ZNF428: variants seen among roughly 807,000 people sequenced by gnomAD.
The protein encoded by ZNF428 is zinc finger protein 428, also known as enzyme-like protein PIT13.
In ZNF428, 5 loss-of-function variants were observed where a neutral mutation model predicts 15.6. The ratio of observed to expected loss-of-function variants is 0.32; its 90% CI spans 0.17 to 0.67. The LOEUF is 0.67. Among genes scored for constraint, ZNF428 ranks in the 30% least tolerant of loss-of-function variants. The probability of loss-of-function intolerance (pLI) is 0.73; values close to 1 mark genes in which losing one functional copy is unlikely to be tolerated. For missense variants in ZNF428, 237 were observed against 256.0 expected (o/e 0.93, Z 0.51); for synonymous variants, 97 against 102.2 (o/e 0.95, Z 0.31).
intron 1 of ZNF428, among the ~76,000 whole-genome samples, chr19:43,616,351 T>C (rs911989583): frequency 1.3e-5 from 2 of 152,204 alleles, no homozygotes; most frequent in African/African-American, 4.8e-5. Flanking sequence ...GTGTCTAGGT[T>C]TGCCACACTC....
Position 43,612,004 on chromosome 19 carries a change from A to G in ZNF428, c.76+2225T>C, listed in dbSNP as rs1600086337. The G allele has an allele frequency of 1.3e-6, 1 of 766,698 alleles. No individual in the cohort carries two copies. Among genetic ancestry groups the G allele is most frequent in the Non-Finnish European group, 2.2e-6 (1 of 460,462 alleles). The allele number at this position is 766,698 out of a possible 1,614,324, so 47.5% of individuals were successfully genotyped here. ...TACCACTCACCCTCCAGAGTCTTCA[A>G]TGCCCACTATTACTTCACACAGTTG... On this transcript the variant is annotated intron_variant, in intron 2 of 2. Coordinates refer to ENST00000300811, the MANE Select transcript of ZNF428 (RefSeq NM_182498.4). The surrounding 1 kb of genome is among the most constrained non-coding windows in gnomAD (Gnocchi z 4.2).
Position 43,612,651 on chromosome 19 carries a change from G to C in ZNF428, c.76+1578C>G. On this transcript the variant is annotated intron_variant, in intron 2 of 2. Coordinates refer to ENST00000300811, the MANE Select transcript of ZNF428 (RefSeq NM_182498.4). This position sits in a 1 kb window ranked among gnomAD's most constrained non-coding sequence, Gnocchi z 4.2. ...CGGGGAAAGAGTTACGGCCGGCCTA[G>C]AACCAGCAACAGGGAAAGGAGTGAC... The C allele has an allele frequency of 1.3e-6, 2 of 1,551,450 alleles. No individual in the cohort carries two copies. The highest frequency in any genetic ancestry group is 1.7e-6 in the Non-Finnish European group (2 of 1,146,966).
chr19:43,612,120 C>T lies in ZNF428; in HGVS notation c.76+2109G>A. On this transcript the variant is annotated intron_variant, in intron 2 of 2. Transcript: ENST00000300811. The surrounding 1 kb of genome is among the most constrained non-coding windows in gnomAD (Gnocchi z 4.2). ...AGGACCACAAGCCCTTTTGCGCCCA[C>T]CATGTCTTCACCTAAGAGATCTTCA... 1 of 1,550,892 alleles carries T rather than the reference C, an allele frequency of 6.4e-7. No individual in the cohort carries two copies. The highest frequency in any genetic ancestry group is 8.7e-7 in the Non-Finnish European group (1 of 1,146,336).
chr19:43,612,661 C>G lies in ZNF428; in HGVS notation c.76+1568G>C. Reference sequence around the variant, plus strand: ...GTTACGGCCGGCCTAGAACCAGCAACAGGGAAAGGAGTGACAGCCAGCCTA... The same window carrying G: ...GTTACGGCCGGCCTAGAACCAGCAAGAGGGAAAGGAGTGACAGCCAGCCTA... On this transcript the variant is annotated intron_variant, in intron 2 of 2. Transcript: ENST00000300811. The surrounding 1 kb of genome is among the most constrained non-coding windows in gnomAD (Gnocchi z 4.2). The G allele has an allele frequency of 6.4e-7, 1 of 1,551,430 alleles. No individual in the cohort carries two copies. Among genetic ancestry groups the G allele is most frequent in the Non-Finnish European group, 8.7e-7 (1 of 1,146,970 alleles).
Position 43,608,025 on chromosome 19 carries a change from C to A in ZNF428, c.159G>T (p.Glu53Asp). The A allele has an allele frequency of 6.2e-7, 1 of 1,613,714 alleles. No individual in the cohort carries two copies. ...CATATTCAGGATCGTCAGTGGTCTC[C>A]TCTTCCTCCTCCTCCTCATCTTCTT... Reference protein sequence around the residue: ...EEEEDEEEEEEETTDDPEYDP... With the variant: ...EEEEDEEEEEDETTDDPEYDP... The change falls in exon 3 of 3, where the codon GAG (glutamate) becomes GAT (aspartate). Residue 53 changes from glutamate (E) to aspartate (D), a missense_variant. By Grantham distance (45) the Glu-to-Asp change is conservative. Transcript: ENST00000300811.
At chr19:43,611,629 C>G (rs897835439) in intron 2 of ZNF428, among the ~76,000 whole-genome samples, 1 of 152,162 alleles carries the variant, frequency 6.6e-6, no homozygotes, top group African/African-American at 2.4e-5. Context: ...CTGACCCTTT[C>G]TTTCTCTACT....
Position 43,612,627 on chromosome 19 carries a change from G to A in ZNF428, c.76+1602C>T, listed in dbSNP as rs993879597. On this transcript the variant is annotated intron_variant, in intron 2 of 2. Transcript: ENST00000300811. This position sits in a 1 kb window ranked among gnomAD's most constrained non-coding sequence, Gnocchi z 4.2. ...CCCACTTCACAGCAAAAAGGGAGCC[G>A]GGGAAAGAGTTACGGCCGGCCTAGA... The A allele has an allele frequency of 4.1e-5, 64 of 1,551,312 alleles. No homozygotes were observed. The East Asian group carries it at 5.9e-4, about 14-fold the overall frequency.
chr19:43,614,381 A>G lies in ZNF428; in HGVS notation c.-77T>C. On this transcript the variant is annotated 5_prime_UTR_variant, in exon 2 of 3. Coordinates refer to ENST00000300811, the MANE Select transcript of ZNF428 (RefSeq NM_182498.4). ...CCTCCCCGGCCAGCTCTCCACAGCCACACCTCCGGCCACAAGTTCTCTAAT... is the reference window on the plus strand; with the variant it reads ...CCTCCCCGGCCAGCTCTCCACAGCCGCACCTCCGGCCACAAGTTCTCTAAT... 1 of 1,516,698 alleles carries G rather than the reference A, an allele frequency of 6.6e-7. No individual in the cohort carries two copies. The highest frequency in any genetic ancestry group is 8.8e-7 in the Non-Finnish European group (1 of 1,137,320). The allele number at this position is 1,516,698 out of a possible 1,614,324, so 94.0% of individuals were successfully genotyped here.
intron 1 of ZNF428, among the ~76,000 whole-genome samples, chr19:43,619,072 C>A (rs575407108): frequency 1.3e-5 from 2 of 152,256 alleles, no homozygotes; most frequent in African/African-American, 2.4e-5. Context: ...AGATGCCCCG[C>A]GTGAACACAA....
In ZNF428 at chr19:43,607,262, T is replaced by TTATG. The variant is rs1973246958; in HGVS notation, c.*351_*354dup. The TTATG allele has an allele frequency of 4.6e-6, 1 of 218,688 alleles. No homozygotes were observed. Among genetic ancestry groups the TTATG allele is most frequent in the South Asian group, 1.5e-4 (1 of 6,770 alleles). 13.5% of individuals were successfully genotyped at this position (218,688 alleles called of 1,614,324 possible). On this transcript the variant is annotated 3_prime_UTR_variant, in exon 3 of 3. Coordinates refer to ENST00000300811, the MANE Select transcript of ZNF428 (RefSeq NM_182498.4). The surrounding 1 kb of genome is among the most constrained non-coding windows in gnomAD (Gnocchi z 5.1). ...AAATTCTATTATTAGAGCCTTTACA[T>TTATG]TATGGGGTCTGTAAGTAAATACATG...
rs1973261332 is a variant in ZNF428 at position 43,608,259 on chromosome 19, A to AT, written c.77-153dup. ...TTCCCTTCCCCACAGATGAGTCCCC[A>AT]TGGCACAGAACAAGACTGGCACCCA... is the stretch of plus-strand genomic sequence containing the variant. On this transcript the variant is annotated intron_variant, in intron 2 of 2. Coordinates refer to ENST00000300811, the MANE Select transcript of ZNF428 (RefSeq NM_182498.4). The AT allele has an allele frequency of 1.6e-5, 16 of 1,016,936 alleles. No homozygotes were observed. The East Asian group carries it at 4.0e-4, about 25-fold the overall frequency. The allele number at this position is 1,016,936 out of a possible 1,614,324, so 63.0% of individuals were successfully genotyped here.
rs1202746851 is a variant in ZNF428 at position 43,614,106 on chromosome 19, TCA to T, written c.76+121_76+122del. On this transcript the variant is annotated intron_variant, in intron 2 of 2. Transcript: ENST00000300811. ...AGATCCCCTACTAGGACAAGCAGTC[TCA>T]GTCAGAATAGAACCCCTAGCAAGAC... 3.1e-6 allele frequency: 5 copies of T among 1,587,640 alleles called. No individual in the cohort carries two copies. In the African/African-American group the frequency reaches 5.4e-5, roughly 17 times the overall value.
Position 43,608,214 on chromosome 19 carries a change from G to A in ZNF428, c.77-107C>T, listed in dbSNP as rs540604958. The A allele has an allele frequency of 8.7e-5, 127 of 1,461,568 alleles. No individual in the cohort carries two copies. In the East Asian group the frequency reaches 2.5e-3, roughly 29 times the overall value. The allele number at this position is 1,461,568 out of a possible 1,614,324, so 90.5% of individuals were successfully genotyped here. On this transcript the variant is annotated intron_variant, in intron 2 of 2. Coordinates refer to ENST00000300811, the MANE Select transcript of ZNF428 (RefSeq NM_182498.4). Reference sequence around the variant, plus strand: ...ATTCAGACTTGCCATAGTATGACAAGGATAGCCTAGACACTACCCTTCCCT... The same window carrying A: ...ATTCAGACTTGCCATAGTATGACAAAGATAGCCTAGACACTACCCTTCCCT...
intron 2 of ZNF428, among the ~76,000 whole-genome samples, chr19:43,610,511 A>T (rs1973284428): frequency 6.6e-6 from 1 of 151,666 alleles, no homozygotes; most frequent in South Asian, 2.1e-4. Flanking sequence ...ATTTTTCTCC[A>T]TCTTCTGACT....
intron 1 of ZNF428, among the ~76,000 whole-genome samples, chr19:43,615,196 G>A (rs1040457074): frequency 6.6e-6 from 1 of 152,020 alleles, no homozygotes; most frequent in African/African-American, 2.4e-5. Flanking sequence ...CAAATGTGTG[G>A]GGCTTTTTCC....
chr19:43,618,772 A>G (rs1973400676), intron 1 of ZNF428, among the ~76,000 whole-genome samples: 7 of 152,010 alleles, frequency 4.6e-5, no homozygotes, highest in Admixed American at 4.6e-4. Context: ...TTTGGATATA[A>G]TTGTTTATCT....
In ZNF428 at chr19:43,608,209, G is replaced by C. The variant is rs578083437; in HGVS notation, c.77-102C>G. ...CCCACATTCAGACTTGCCATAGTAT[G>C]ACAAGGATAGCCTAGACACTACCCT... On this transcript the variant is annotated intron_variant, in intron 2 of 2. Transcript: ENST00000300811. 4.0e-6 allele frequency: 6 copies of C among 1,483,780 alleles called. No homozygotes were observed. The Admixed American group carries it at 6.1e-5, about 15-fold the overall frequency. The allele number at this position is 1,483,780 out of a possible 1,614,324, so 91.9% of individuals were successfully genotyped here. A position where few individuals can be genotyped will look rare whatever the true frequency, so the allele number is the denominator to read the frequency against.
At chr19:43,614,559 G>T in intron 1 of ZNF428, 125 bp from the exon 2 acceptor site, 1 of 861,732 alleles carries the variant, frequency 1.2e-6, no homozygotes. Context: ...CTCTGTCCCT[G>T]ACTGTCTACA....
chr19:43,609,916 T>C (rs1973278298), intron 2 of ZNF428, among the ~76,000 whole-genome samples: 3 of 151,942 alleles, frequency 2.0e-5, no homozygotes, highest in African/African-American at 7.3e-5. Flanking sequence ...GCCAAAAGCC[T>C]CACCTTGTAT....
Sources: allele counts gnomAD v4.1 joint callset (sites outside exome capture counted in the v4.1 genomes callset), GRCh38; gene constraint gnomAD v4.1.1; non-coding constraint Gnocchi (gnomAD v3.1); transcripts MANE v1.5; gene names NCBI Gene and HGNC (gene_info 2026-07-23, HGNC 2026-07-21).